STXBP6: variants seen among roughly 807,000 people sequenced by gnomAD.
STXBP6 encodes syntaxin-binding protein 6.
Under a neutral mutation model 26.9 loss-of-function variants are expected in STXBP6, and 21 were observed. That is an observed-to-expected ratio of 0.78 (90% CI 0.55 to 1.12). The LOEUF (loss-of-function observed/expected upper bound fraction) is 1.12, where lower values mean the gene tolerates loss of function less well. STXBP6 is among the 50% of genes most tolerant of loss of function. STXBP6 has a pLI of 0.00. For synonymous variants in STXBP6, 97 were observed against 92.6 expected, an observed-to-expected ratio of 1.05 and a Z score of -0.27; for missense variants, 232 against 257.9, an observed-to-expected ratio of 0.90 and a Z score of 0.69.
chr14:24,923,761 G>C (rs757536978), intron 2 of STXBP6, among the ~76,000 whole-genome samples: 1 of 152,052 alleles, frequency 6.6e-6, no homozygotes, highest in Non-Finnish European at 1.5e-5. Context: ...CCTAGCTTTT[G>C]CCTATTTTCT....
intron 2 of STXBP6, among the ~76,000 whole-genome samples, chr14:24,946,487 T>A (rs1045535051): frequency 6.6e-6 from 1 of 151,728 alleles, no homozygotes; most frequent in African/African-American, 2.4e-5. Context: ...AGGGAAAAAA[T>A]TGAAGGCAGA....
chr14:25,000,478 A>C (rs2074732504), intron 1 of STXBP6, among the ~76,000 whole-genome samples: 1 of 150,934 alleles, frequency 6.6e-6, no homozygotes, highest in Non-Finnish European at 1.5e-5. Flanking sequence ...TCAGAAGCAA[A>C]AGTTTCTCTG....
At chr14:24,840,158 T>G (rs564829117) in intron 4 of STXBP6, among the ~76,000 whole-genome samples, 1 of 152,274 alleles carries the variant, frequency 6.6e-6, no homozygotes, top group Non-Finnish European at 1.5e-5. Flanking sequence ...AAGGATATAC[T>G]TATGGTGAGT....
chr14:25,000,115 T>C (rs2074718321), intron 1 of STXBP6, among the ~76,000 whole-genome samples: 1 of 151,656 alleles, frequency 6.6e-6, no homozygotes, highest in South Asian at 2.1e-4. Context: ...CAGGCTGGAG[T>C]GCAGTGGCAG....
In STXBP6 at chr14:24,913,466, T is replaced by C. The variant is rs80071785; in HGVS notation, c.155-56309A>G. On this transcript the variant is annotated intron_variant, in intron 2 of 5. Coordinates refer to ENST00000323944, the MANE Select transcript of STXBP6 (RefSeq NM_001394410.1). ...ATGCATCCCTTGAATATGTACATTA[T>C]TTGTCAACCACAAAAATTAAATTAA... 8.7e-3 allele frequency among the ~76,000 whole-genome samples: 1,322 copies of C among 152,280 alleles called. 17 individuals carry two copies. The highest frequency in any genetic ancestry group is 0.03 in the African/African-American group (1,264 of 41,552).
intron 2 of STXBP6, among the ~76,000 whole-genome samples, chr14:24,969,182 A>T (rs547659704): frequency 4.6e-5 from 7 of 152,194 alleles, no homozygotes; most frequent in Non-Finnish European, 7.3e-5. Flanking sequence ...CTACAAATCT[A>T]AAACCATTTT....
intron 4 of STXBP6, among the ~76,000 whole-genome samples, chr14:24,848,536 T>C (rs981546241): frequency 6.6e-6 from 1 of 152,148 alleles, no homozygotes; most frequent in Non-Finnish European, 1.5e-5. Context: ...TACCTTTACG[T>C]AAGTCTTGGT....
At chr14:24,945,813 A>C (rs774913968) in intron 2 of STXBP6, among the ~76,000 whole-genome samples, 1 of 152,202 alleles carries the variant, frequency 6.6e-6, no homozygotes, top group Admixed American at 6.5e-5. Context: ...AACTCATTGA[A>C]TCCTCTACAA....
At chr14:24,963,476 C>T (rs1184011788) in intron 2 of STXBP6, among the ~76,000 whole-genome samples, 1 of 151,824 alleles carries the variant, frequency 6.6e-6, no homozygotes, top group African/African-American at 2.4e-5. Flanking sequence ...ACATTGGATC[C>T]ACACAAAGTG....
intron 2 of STXBP6, among the ~76,000 whole-genome samples, chr14:24,873,958 T>C (rs1180708615): frequency 2.0e-5 from 3 of 152,196 alleles, no homozygotes; most frequent in African/African-American, 7.2e-5. Context: ...ATGCCTTCTT[T>C]TGCTGATGTG....
chr14:24,891,811 A>G (rs1022692410), intron 2 of STXBP6, among the ~76,000 whole-genome samples: 9 of 152,234 alleles, frequency 5.9e-5, no homozygotes, highest in African/African-American at 1.9e-4. Flanking sequence ...TTTCTATAAT[A>G]AAACTTCTTC....
intron 1 of STXBP6, among the ~76,000 whole-genome samples, chr14:25,012,817 A>G (rs997371475): frequency 6.6e-6 from 1 of 152,200 alleles, no homozygotes; most frequent in East Asian, 1.9e-4. Context: ...CCATTGGCCT[A>G]GCATACAAAA....
At chr14:24,970,590 C>T (rs1398019342) in intron 2 of STXBP6, among the ~76,000 whole-genome samples, 1 of 152,080 alleles carries the variant, frequency 6.6e-6, no homozygotes, top group Non-Finnish European at 1.5e-5. Context: ...TAGTATTCCA[C>T]TGCAAAAATG....
chr14:24,960,004 C>T (rs770716535), intron 2 of STXBP6, among the ~76,000 whole-genome samples: 2 of 152,236 alleles, frequency 1.3e-5, no homozygotes, highest in Non-Finnish European at 2.9e-5. Flanking sequence ...ATAATTGTCT[C>T]AGCCAGATTT....
At chr14:24,883,872 T>C (rs1022657084) in intron 2 of STXBP6, among the ~76,000 whole-genome samples, 5 of 152,166 alleles carry the variant, frequency 3.3e-5, no homozygotes, top group African/African-American at 9.7e-5. Context: ...AAAACATGTT[T>C]TGAATTGGAA....
chr14:24,910,785 G>T (rs1281229264), intron 2 of STXBP6, among the ~76,000 whole-genome samples: 2 of 152,124 alleles, frequency 1.3e-5, no homozygotes, highest in East Asian at 3.9e-4. Context: ...CTACCACGCA[G>T]AATTGCTATG....
intron 4 of STXBP6, among the ~76,000 whole-genome samples, chr14:24,855,439 G>T (rs898263771): frequency 2.0e-5 from 3 of 152,006 alleles, no homozygotes; most frequent in African/African-American, 7.2e-5. Flanking sequence ...GTGGCTTACT[G>T]TACTCATCCT....
chr14:24,998,563 C>A (rs1248330470), intron 1 of STXBP6, among the ~76,000 whole-genome samples: 5 of 152,098 alleles, frequency 3.3e-5, no homozygotes, highest in Admixed American at 6.5e-5. Context: ...GAATAGAGAG[C>A]ATGACCTCTT....
At chr14:24,873,636 AGTACGGGAAAG>A (rs2070023980) in intron 2 of STXBP6, among the ~76,000 whole-genome samples, 1 of 152,192 alleles carries the variant, frequency 6.6e-6, no homozygotes, top group Non-Finnish European at 1.5e-5. Context: ...CATAGAAGGA[AGTACGGGAAAG>A]GTCAGTGCCT....
Sources: gnomAD v4.1 joint callset for allele counts (sites outside exome capture counted in the v4.1 genomes callset) on GRCh38, gnomAD v4.1.1 for gene constraint, MANE v1.5 for transcripts, NCBI Gene and HGNC (gene_info 2026-07-23, HGNC 2026-07-21) for gene names.